The following MEG3 variants were observed in gnomAD, a reference collection of about 807,000 sequenced individuals.
MEG3 encodes Very putative protein from MEG3 locus.
chr14:100,856,093 G>T (rs573584730), upstream of MEG3: 2 of 152,346 alleles, frequency 1.3e-5, no homozygotes, highest in Admixed American at 1.3e-4. Context: ...AGGAGTTAAT[G>T]CCCAGCTCTG....
upstream of MEG3, chr14:100,854,897 T>C (rs1431759881): frequency 6.5e-6 from 1 of 152,698 alleles, no homozygotes; most frequent in South Asian, 2.1e-4. Flanking sequence ...ACATTTTGGA[T>C]CAGGACTGAT....
exon 1 of MEG3, chr14:100,859,386 A>G (rs1595313275): frequency 6.6e-6 from 1 of 152,134 alleles, no homozygotes; most frequent in South Asian, 2.1e-4. Flanking sequence ...TATCTAGGAT[A>G]AAACTTCATC....
intron 1 of MEG3, chr14:100,835,954 T>C (rs1396852146): frequency 3.0e-6 from 1 of 330,178 alleles, no homozygotes; most frequent in Non-Finnish European, 5.8e-6. Context: ...CCCGGTCCCT[T>C]GCTCCCCACT....
downstream of MEG3, chr14:100,829,557 GGTT>G (rs1340142151): frequency 6.6e-6 from 1 of 152,212 alleles, no homozygotes; most frequent in African/African-American, 2.4e-5. Context: ...AACCTCCTAG[GGTT>G]GTTGTGAGAA....
At position 100,836,447 on chromosome 14, in the gene MEG3, G is replaced by C. The variant is rs1439482280; in HGVS notation, n.3045+147G>C. ...TCTTCACATCAGCCCCAGGGGTCTG[G>C]GGGCCGGAGAGCTGCCTGGAGTGGA... is the stretch of plus-strand genomic sequence containing the variant. On this transcript the variant is annotated intron_variant and non_coding_transcript_variant, in intron 2 of 3. Transcript: ENST00000398461. 9.7e-6 allele frequency: 4 copies of C among 410,830 alleles called. No individual in the cohort carries two copies. In the East Asian group the frequency reaches 2.9e-4, roughly 30 times the overall value. The allele number at this position is 410,830 out of a possible 1,614,324, so 25.4% of individuals were successfully genotyped here.
downstream of MEG3, chr14:100,833,406 C>T (rs1014977013): frequency 6.6e-6 from 1 of 152,032 alleles, no homozygotes; most frequent in Non-Finnish European, 1.5e-5. Context: ...ATTACAGGCG[C>T]CCACCACCAC....
At chr14:100,850,595 T>A (rs1450593564) in intron 3 of MEG3, 4 of 125,818 alleles carry the variant, frequency 3.2e-5, no homozygotes, top group Non-Finnish European at 6.8e-5. Flanking sequence ...CAAGACACTA[T>A]CTTAGATCAA....
At chr14:100,838,729 C>T (rs980430527) in intron 2 of MEG3, among the ~76,000 whole-genome samples, 12 of 152,168 alleles carry the variant, frequency 7.9e-5, no homozygotes, top group African/African-American at 2.9e-4. Context: ...AGGGTAAAGA[C>T]GGCGGTCTGG....
chr14:100,843,011 C>T (rs1420174508), intron 2 of MEG3, among the ~76,000 whole-genome samples: 4 of 152,284 alleles, frequency 2.6e-5, no homozygotes, highest in African/African-American at 4.8e-5. Flanking sequence ...CCCAGCACTG[C>T]GTTATTAACA....
At chr14:100,853,467 T>C (rs1200158080), upstream of MEG3, 1 of 152,176 alleles carries the variant, frequency 6.6e-6, no homozygotes, top group African/African-American at 2.4e-5. Flanking sequence ...CATTCTGACA[T>C]GTCACCCATT....
chr14:100,839,678 G>A (rs1014920282), intron 2 of MEG3, among the ~76,000 whole-genome samples: 1 of 152,200 alleles, frequency 6.6e-6, no homozygotes, highest in African/African-American at 2.4e-5. Flanking sequence ...GTGGGAGTGT[G>A]GGGGGCCCTC....
At chr14:100,838,064 G>A (rs1013024299) in intron 2 of MEG3, among the ~76,000 whole-genome samples, 4 of 152,148 alleles carry the variant, frequency 2.6e-5, no homozygotes, top group African/African-American at 9.7e-5. Flanking sequence ...TTTGCACAGG[G>A]GCAGGCTGCT....
chr14:100,848,163 AAAT>A (rs1383397723), intron 3 of MEG3: 1 of 152,236 alleles, frequency 6.6e-6, no homozygotes, highest in East Asian at 1.9e-4. Flanking sequence ...ATTAAGGAAT[AAAT>A]ACATGCATGC....
rs144491577 is a variant in MEG3 at position 100,837,592 on chromosome 14, C to T, written n.3045+1292C>T. On this transcript the variant is annotated intron_variant and non_coding_transcript_variant, in intron 2 of 3. Transcript: ENST00000398461. The surrounding 1 kb of genome is among the most constrained non-coding windows in gnomAD (Gnocchi z 5.8). Reference sequence around the variant, plus strand: ...AAGGAAGTGGATGAACACAGCTGCACGCTGGGTGGGGCCCAGCCTCTAGTC... The same window carrying T: ...AAGGAAGTGGATGAACACAGCTGCATGCTGGGTGGGGCCCAGCCTCTAGTC... 4.1e-3 allele frequency among the ~76,000 whole-genome samples: 631 copies of T among 152,188 alleles called. 20 individuals are homozygous for T. Among genetic ancestry groups the T allele is most frequent in the Admixed American group, 0.032 (484 of 15,294 alleles).
chr14:100,829,493 G>C (rs941575), downstream of MEG3: 142,618 of 152,330 alleles, frequency 0.94, 66,781 homozygotes, highest in South Asian at 0.98. Flanking sequence ...AGGCACGCCC[G>C]ACCTCTCTGA....
At position 100,837,192 on chromosome 14, in the gene MEG3, G is replaced by A. The variant is rs531466028; in HGVS notation, n.3045+892G>A. ...GGGGGCTCAGGGTGGCATGCTGGAC[G>A]GCCATGCCAGGCTGAAGTTTGGGCT... is the stretch of plus-strand genomic sequence containing the variant. On this transcript the variant is annotated intron_variant and non_coding_transcript_variant, in intron 2 of 3. Transcript: ENST00000398461. The surrounding 1 kb of genome is among the most constrained non-coding windows in gnomAD (Gnocchi z 5.8). Among the ~76,000 whole-genome samples, 1 of 152,268 alleles carries A rather than the reference G, an allele frequency of 6.6e-6. No homozygotes were observed. The highest frequency in any genetic ancestry group is 2.1e-4 in the South Asian group (1 of 4,828).
intron 1 of MEG3, among the ~76,000 whole-genome samples, chr14:100,827,800 T>C (rs1171539281): frequency 1.3e-5 from 2 of 152,206 alleles, no homozygotes; most frequent in Admixed American, 6.5e-5. Context: ...ACCACCCACA[T>C]GCGTGACAGC....
At chr14:100,851,845 G>T (rs2038088482) in intron 3 of MEG3, 1 of 155,062 alleles carries the variant, frequency 6.4e-6, no homozygotes, top group African/African-American at 2.4e-5. Context: ...CGTGCTGACA[G>T]TCCTCCCCCA....
At chr14:100,843,833 G>GTTT (rs11307044) in intron 2 of MEG3, among the ~76,000 whole-genome samples, 27 of 70,730 alleles carry the variant, frequency 3.8e-4, no homozygotes, top group Non-Finnish European at 4.8e-4. Context: ...CCCGGGACCT[G>GTTT]TTTTTTTTTT....
Sources: gnomAD v4.1 joint callset for allele counts (sites outside exome capture counted in the v4.1 genomes callset) on GRCh38, gnomAD v4.1.1 for gene constraint, Gnocchi (gnomAD v3.1) non-coding constraint, MANE v1.5 for transcripts, NCBI Gene and HGNC (gene_info 2026-07-23, HGNC 2026-07-21) for gene names.